Variants in DZIP3 observed in about 807,000 individuals in gnomAD.
DZIP3 encodes the protein DAZ interacting zinc finger protein 3, also known as E3 ubiquitin-protein ligase DZIP3.
Under a neutral mutation model 162.0 loss-of-function variants are expected in DZIP3, and 118 were observed. That is an observed-to-expected ratio of 0.73 (90% CI 0.63 to 0.85). The LOEUF (loss-of-function observed/expected upper bound fraction) is 0.85, where lower values mean the gene tolerates loss of function less well. DZIP3 is among the 40% of genes least tolerant of loss of function. The probability of loss-of-function intolerance (pLI) is 0.00; values close to 1 mark genes in which losing one functional copy is unlikely to be tolerated. For missense variants in DZIP3, 1,331 were observed against 1,407.0 expected (o/e 0.95, Z 0.86); for synonymous variants, 438 against 458.6 (o/e 0.96, Z 0.57).
At chr3:108,589,548 C>T, upstream of DZIP3, 1 of 503,864 alleles carries the variant, frequency 2.0e-6, no homozygotes, top group East Asian at 3.4e-5. Flanking sequence ...TCGGTGACGG[C>T]CGGGGTGGGC....
chr3:108,589,553 G>T (rs1939252581), upstream of DZIP3: 3 of 503,984 alleles, frequency 6.0e-6, no homozygotes, highest in Non-Finnish European at 1.1e-5. Context: ...GACGGCCGGG[G>T]TGGGCCAGGG....
chr3:108,592,124 TTACTC>T lies in DZIP3; in HGVS notation c.-73+2287_-73+2291del, dbSNP rs542945508. 4.7e-4 allele frequency among the ~76,000 whole-genome samples: 72 copies of T among 152,270 alleles called. No homozygotes were observed. The East Asian group carries it at 0.013, about 26-fold the overall frequency. On this transcript the variant is annotated intron_variant, in intron 1 of 32. Coordinates refer to ENST00000361582, the MANE Select transcript of DZIP3 (RefSeq NM_014648.4). ...CTAGTCAGGTTTGTTTTTAGATTGA[TTACTC>T]TGGTAGCTGAATGAACTATGATTTT... is the stretch of plus-strand genomic sequence containing the variant.
chr3:108,621,031 C>A (rs1467098818), intron 5 of DZIP3, among the ~76,000 whole-genome samples: 1 of 152,126 alleles, frequency 6.6e-6, no homozygotes, highest in Non-Finnish European at 1.5e-5. Flanking sequence ...CCATGTTGGC[C>A]AGGATGGTCT....
intron 23 of DZIP3, 100 bp downstream of exon 23, chr3:108,672,756 C>T (rs1484603074): frequency 3.1e-6 from 3 of 955,680 alleles, no homozygotes; most frequent in Non-Finnish European, 4.7e-6. Context: ...TTTGTATAAA[C>T]AGAAATAAGA....
intron 26 of DZIP3, among the ~76,000 whole-genome samples, chr3:108,683,805 C>T (rs866746550): frequency 1.9e-4 from 29 of 152,132 alleles, no homozygotes; most frequent in Non-Finnish European, 1.8e-4. Context: ...TTCTGAGTAT[C>T]AATATTGCCC....
In DZIP3 at chr3:108,644,559, C is replaced by T; in HGVS notation, c.1537C>T (p.Leu513Phe). The T allele has an allele frequency of 6.2e-7, 1 of 1,614,084 alleles. No individual in the cohort carries two copies. The highest frequency in any genetic ancestry group is 2.2e-5 in the East Asian group (1 of 44,866). ...LRLCKYRDIL[L>F]SEILMNGLTE... ...ACTGTGCAAATACAGGGATATCCTC[C>T]TTAGTGAGATTTTGATGAATGGTCT... is the stretch of plus-strand genomic sequence containing the variant. Residue 513 changes from leucine to phenylalanine, a missense_variant, in exon 14 of 33, where the codon CTT becomes TTT. By Grantham distance (22) the Leu-to-Phe change is conservative. This residue lies in a region of DZIP3 where 1,278 missense variants were observed against 1,317.1 expected (regional missense o/e 0.97). Coordinates refer to ENST00000361582, the MANE Select transcript of DZIP3 (RefSeq NM_014648.4).
chr3:108,674,976 G>T (rs544168124), intron 24 of DZIP3, among the ~76,000 whole-genome samples: 12 of 151,994 alleles, frequency 7.9e-5, no homozygotes, highest in Non-Finnish European at 1.8e-4. Flanking sequence ...TAAATGATCA[G>T]TCTATTTTTG....
At chr3:108,624,969 G>A (rs1576376286) in intron 6 of DZIP3, among the ~76,000 whole-genome samples, 1 of 151,502 alleles carries the variant, frequency 6.6e-6, no homozygotes, top group South Asian at 2.1e-4. Context: ...TCCCAAATCT[G>A]TATTTCTGAC....
intron 3 of DZIP3, among the ~76,000 whole-genome samples, chr3:108,608,924 A>AG (rs1319018977): frequency 6.6e-6 from 1 of 152,134 alleles, no homozygotes; most frequent in Non-Finnish European, 1.5e-5. Context: ...GCTGGACAGG[A>AG]GGGGGCATGG....
At chr3:108,626,467 A>G (rs772337299) in intron 7 of DZIP3, among the ~76,000 whole-genome samples, 2 of 152,206 alleles carry the variant, frequency 1.3e-5, no homozygotes, top group Non-Finnish European at 2.9e-5. Flanking sequence ...GAGCTTATAA[A>G]GAGTTGAAAA....
At chr3:108,680,180 C>A (rs1371783520) in intron 26 of DZIP3, among the ~76,000 whole-genome samples, 1 of 152,054 alleles carries the variant, frequency 6.6e-6, no homozygotes, top group Non-Finnish European at 1.5e-5. Flanking sequence ...AAACCCACAG[C>A]TAACATTATA....
intron 2 of DZIP3, among the ~76,000 whole-genome samples, chr3:108,605,780 C>A (rs908485968): frequency 6.6e-6 from 1 of 152,078 alleles, no homozygotes; most frequent in Non-Finnish European, 1.5e-5. Context: ...GGGCTGGGGA[C>A]CCCAGAGGTA....
chr3:108,654,845 T>C (rs1943036295), intron 19 of DZIP3, among the ~76,000 whole-genome samples: 1 of 152,132 alleles, frequency 6.6e-6, no homozygotes, highest in African/African-American at 2.4e-5. Context: ...CAACAGCAAA[T>C]GAAATAATTT....
rs1211955811 is a variant in DZIP3, at chr3:108,629,639, T to C, written c.696+463T>C. On this transcript the variant is annotated intron_variant, in intron 8 of 32. Transcript: ENST00000361582. ...GTCCAGACACACACACACACACACA[T>C]ATAAACACCAATAGCTTTTATTTTG... 5.3e-5 allele frequency among the ~76,000 whole-genome samples: 8 copies of C among 151,840 alleles called. No individual in the cohort carries two copies. In the South Asian group the frequency reaches 1.0e-3, roughly 20 times the overall value.
At chr3:108,687,890 G>T in intron 28 of DZIP3, 86 bp from the exon 29 acceptor site, 1 of 1,560,124 alleles carries the variant, frequency 6.4e-7, no homozygotes, top group South Asian at 1.1e-5. Context: ...TCATGCGATA[G>T]GATTTTATAT....
chr3:108,641,291 A>T (rs1942388535), intron 12 of DZIP3, among the ~76,000 whole-genome samples: 1 of 151,814 alleles, frequency 6.6e-6, no homozygotes, highest in South Asian at 2.1e-4. Context: ...GTGTAGTTTA[A>T]TTTTTTCTGT....
chr3:108,643,847 T>G (rs1942503947), intron 13 of DZIP3, among the ~76,000 whole-genome samples: 1 of 152,098 alleles, frequency 6.6e-6, no homozygotes, highest in Non-Finnish European at 1.5e-5. Context: ...TTTCAGAATT[T>G]TTAAAGACCT....
At chr3:108,593,102 A>G (rs1939519920) in intron 1 of DZIP3, among the ~76,000 whole-genome samples, 4 of 152,224 alleles carry the variant, frequency 2.6e-5, no homozygotes, top group Admixed American at 6.5e-5. Flanking sequence ...AAAATTATCC[A>G]GTTTTCACAT....
Position 108,674,223 on chromosome 3 carries a change from T to C in DZIP3, c.2693+42T>C, listed in dbSNP as rs1944020647. 3 of 1,494,752 alleles carry C rather than the reference T, an allele frequency of 2.0e-6. No homozygotes were observed. In the African/African-American group the frequency reaches 4.1e-5, roughly 21 times the overall value. 92.6% of individuals were successfully genotyped at this position (1,494,752 alleles called of 1,614,324 possible). On this transcript the variant is annotated intron_variant, in intron 24 of 32. Coordinates refer to ENST00000361582, the MANE Select transcript of DZIP3 (RefSeq NM_014648.4). ...CCTTAATGCATCTTAATTTTAGAGA[T>C]GTTAGCAAGTGTCTCCACGGTTGAA...
Sources: allele counts gnomAD v4.1 joint callset (sites outside exome capture counted in the v4.1 genomes callset), GRCh38; gene constraint gnomAD v4.1.1; regional missense constraint gnomAD v4.1.1; transcripts MANE v1.5; gene names NCBI Gene and HGNC (gene_info 2026-07-23, HGNC 2026-07-21).